The following PKNOX2 variants were observed in gnomAD, a reference collection of about 807,000 sequenced individuals.
PKNOX2 encodes the protein homeobox protein PKNOX2.
In PKNOX2, 14 loss-of-function variants were observed where a neutral mutation model predicts 53.1. The observed-to-expected ratio is 0.26, with a 90% CI of 0.17 to 0.41. PKNOX2 has a LOEUF of 0.41. Among genes scored for constraint, PKNOX2 ranks in the 10% least tolerant of loss-of-function variants. The pLI is 1.00. For missense variants in PKNOX2, 496 were observed against 602.8 expected, an observed-to-expected ratio of 0.82 and a Z score of 1.85; for synonymous variants, 257 against 242.8, an observed-to-expected ratio of 1.06 and a Z score of -0.54.
chr11:125,236,295 G>A (rs920202057), intron 2 of PKNOX2, among the ~76,000 whole-genome samples: 18 of 149,916 alleles, frequency 1.2e-4, no homozygotes, highest in African/African-American at 4.4e-4. Context: ...CTGCAGCCCT[G>A]CTCAGGAGCA....
At chr11:125,386,010 G>A (rs1953606420) in intron 6 of PKNOX2, among the ~76,000 whole-genome samples, 1 of 152,150 alleles carries the variant, frequency 6.6e-6, no homozygotes, top group Non-Finnish European at 1.5e-5. Context: ...AGGAAAGAAG[G>A]GTCATAACAG....
rs1201701991 is a variant in PKNOX2 at position 125,166,622 on chromosome 11, G to C, written c.-201+1846G>C. Among the ~76,000 whole-genome samples, 1 of 152,168 alleles carries C rather than the reference G, an allele frequency of 6.6e-6. No individual in the cohort carries two copies. Among genetic ancestry groups the C allele is most frequent in the African/African-American group, 2.4e-5 (1 of 41,454 alleles). The stretch of plus-strand genomic sequence containing the variant: ...GGCCGCGGCCTGCGATGAAGGCCGG[G>C]GGGCAGCGCTAGCAGCGAGGTGCCA... On this transcript the variant is annotated intron_variant, in intron 1 of 12. Transcript: ENST00000298282. This position sits in a 1 kb window ranked among gnomAD's most constrained non-coding sequence, Gnocchi z 4.0.
At chr11:125,345,188 G>A (rs1039283080) in intron 3 of PKNOX2, among the ~76,000 whole-genome samples, 13 of 152,332 alleles carry the variant, frequency 8.5e-5, no homozygotes, top group African/African-American at 2.9e-4. Flanking sequence ...TTGCTGTGCT[G>A]TAAGGTGGGG....
At position 125,267,784 on chromosome 11, in the gene PKNOX2, C is replaced by T. The variant is rs1357393249; in HGVS notation, c.-130+32669C>T. ...GTGCATGTGTGTGTGTGTGTTTTCTCTGCTGATTTATAGGCACTTTTTGGG... is the reference window on the plus strand; with the variant it reads ...GTGCATGTGTGTGTGTGTGTTTTCTTTGCTGATTTATAGGCACTTTTTGGG... On this transcript the variant is annotated intron_variant, in intron 2 of 12. Coordinates refer to ENST00000298282, the MANE Select transcript of PKNOX2 (RefSeq NM_001382323.2). Among the ~76,000 whole-genome samples, 3 of 152,032 alleles carry T rather than the reference C, an allele frequency of 2.0e-5. No homozygotes were observed. In the East Asian group the frequency reaches 5.8e-4, roughly 29 times the overall value.
chr11:125,175,251 A>G (rs61911027), intron 1 of PKNOX2, among the ~76,000 whole-genome samples: 5,578 of 58,742 alleles, frequency 0.095, 125 homozygotes, highest in African/African-American at 0.13. Flanking sequence ...AAGGAAGGAA[A>G]GAAGGAAGGA....
chr11:125,367,208 G>A (rs773816391), intron 4 of PKNOX2, among the ~76,000 whole-genome samples: 8 of 152,134 alleles, frequency 5.3e-5, no homozygotes, highest in Non-Finnish European at 1.0e-4. Flanking sequence ...GTACAAAATT[G>A]TCGGCCTCGG....
intron 1 of PKNOX2, among the ~76,000 whole-genome samples, chr11:125,224,774 T>G (rs927046564): frequency 2.0e-5 from 3 of 152,160 alleles, no homozygotes; most frequent in African/African-American, 7.2e-5. Flanking sequence ...CCAAACTCCC[T>G]CATAATCAGC....
At chr11:125,289,551 G>T (rs1314244537) in intron 2 of PKNOX2, among the ~76,000 whole-genome samples, 1 of 152,046 alleles carries the variant, frequency 6.6e-6, no homozygotes, top group Admixed American at 6.6e-5. Context: ...AGTTTTTTGG[G>T]TGAGCAAACA....
At chr11:125,259,514 C>A (rs1392986282) in intron 2 of PKNOX2, among the ~76,000 whole-genome samples, 1 of 152,102 alleles carries the variant, frequency 6.6e-6, no homozygotes, top group Non-Finnish European at 1.5e-5. Flanking sequence ...TCTGTTGTAC[C>A]CTGGCCCCCC....
At position 125,165,347 on chromosome 11, in the gene PKNOX2, G is replaced by A. The variant is rs931540486; in HGVS notation, c.-201+571G>A. ...CGCCGGCCCGAGCCCGGGTGCAGAA[G>A]GCTCCCGGCCGGGCGCTCCGCGGGG... On this transcript the variant is annotated intron_variant, in intron 1 of 12. Transcript: ENST00000298282. The surrounding 1 kb of genome is among the most constrained non-coding windows in gnomAD (Gnocchi z 4.5). Among the ~76,000 whole-genome samples, 3 of 152,110 alleles carry A rather than the reference G, an allele frequency of 2.0e-5. No homozygotes were observed. The highest frequency in any genetic ancestry group is 7.2e-5 in the African/African-American group (3 of 41,450).
chr11:125,220,547 G>T (rs1179976278), intron 1 of PKNOX2, among the ~76,000 whole-genome samples: 1 of 152,136 alleles, frequency 6.6e-6, no homozygotes, highest in South Asian at 2.1e-4. Context: ...TGCCACCATT[G>T]TGAGATGGGA....
chr11:125,355,277 G>GAAAAAAAAAAAAAAAAAAAAAAAAA (rs61437536), intron 4 of PKNOX2, among the ~76,000 whole-genome samples: 3 of 109,196 alleles, frequency 2.7e-5, no homozygotes, highest in African/African-American at 3.3e-5. Context: ...AAAAAAAAAA[G>GAAAAAAAAAAAAAAAAAAAAAAAAA]AAAAAAAAAA....
intron 2 of PKNOX2, among the ~76,000 whole-genome samples, chr11:125,323,258 ACTTTCAGATGTC>A (rs1949631707): frequency 6.6e-6 from 1 of 152,138 alleles, no homozygotes; most frequent in African/African-American, 2.4e-5. Flanking sequence ...GGAAGTCCTA[ACTTTCAGATGTC>A]CTTTCAAATA....
chr11:125,379,855 C>T (rs1953104096), intron 5 of PKNOX2, among the ~76,000 whole-genome samples: 1 of 152,194 alleles, frequency 6.6e-6, no homozygotes, highest in Non-Finnish European at 1.5e-5. Context: ...GAAATCAACA[C>T]ATCTGGTTTA....
chr11:125,173,795 C>T (rs1056174864), intron 1 of PKNOX2, among the ~76,000 whole-genome samples: 5 of 152,134 alleles, frequency 3.3e-5, no homozygotes, highest in African/African-American at 1.2e-4. Context: ...AGAATTCCCT[C>T]GGGGGCTCGT....
At chr11:125,350,965 G>C (rs1236605475) in intron 3 of PKNOX2, among the ~76,000 whole-genome samples, 2 of 152,144 alleles carry the variant, frequency 1.3e-5, no homozygotes, top group African/African-American at 4.8e-5. Context: ...CTGCTACCAG[G>C]CAGGCCCCCT....
At chr11:125,263,912 G>A (rs1847798863) in intron 2 of PKNOX2, among the ~76,000 whole-genome samples, 1 of 152,222 alleles carries the variant, frequency 6.6e-6, no homozygotes, top group Non-Finnish European at 1.5e-5. Context: ...GCGTATAAGG[G>A]GGTGCGGGGA....
Position 125,417,333 on chromosome 11 carries a change from C to T in PKNOX2, c.936+5468C>T, listed in dbSNP as rs1449823209. ...CATGAGCAGCTTTTCAGAATATGCT[C>T]TGTGTGCGGGGAGATCCTGGAGACC... On this transcript the variant is annotated intron_variant, in intron 10 of 12. Coordinates refer to ENST00000298282, the MANE Select transcript of PKNOX2 (RefSeq NM_001382323.2). Among the ~76,000 whole-genome samples the T allele has an allele frequency of 2.0e-5, 3 of 152,008 alleles. 1 individual carries two copies. Among genetic ancestry groups the T allele is most frequent in the African/African-American group, 7.3e-5 (3 of 41,256 alleles).
At chr11:125,322,814 C>G (rs1949601483) in intron 2 of PKNOX2, among the ~76,000 whole-genome samples, 1 of 152,208 alleles carries the variant, frequency 6.6e-6, no homozygotes, top group Admixed American at 6.5e-5. Context: ...TTAGCCGAGA[C>G]AGTTAAGTCT....
Sources: allele counts gnomAD v4.1 joint callset (sites outside exome capture counted in the v4.1 genomes callset), GRCh38; gene constraint gnomAD v4.1.1; non-coding constraint Gnocchi (gnomAD v3.1); transcripts MANE v1.5; gene names NCBI Gene and HGNC (gene_info 2026-07-23, HGNC 2026-07-21).